The following ARHGAP32 variants were observed in gnomAD, a reference collection of about 807,000 sequenced individuals.
ARHGAP32 encodes the protein Rho GTPase activating protein 32.
In ARHGAP32, 51 loss-of-function variants were observed where a neutral mutation model predicts 186.5. The ratio of observed to expected loss-of-function variants is 0.27; its 90% CI spans 0.22 to 0.35. ARHGAP32 has a LOEUF of 0.35. Ranked by LOEUF, ARHGAP32 falls within the 10% of genes least tolerant of loss-of-function variation. The pLI is 1.00. For synonymous variants in ARHGAP32, 950 were observed against 964.3 expected, an observed-to-expected ratio of 0.99 and a Z score of 0.27; for missense variants, 2,186 against 2,623.5, an observed-to-expected ratio of 0.83 and a Z score of 3.64.
intron 1 of ARHGAP32, among the ~76,000 whole-genome samples, chr11:129,211,578 T>C (rs888262574): frequency 6.6e-6 from 1 of 152,116 alleles, no homozygotes; most frequent in Non-Finnish European, 1.5e-5. Flanking sequence ...AGAAGAGAAA[T>C]GCATAAACAT....
intron 2 of ARHGAP32, among the ~76,000 whole-genome samples, chr11:129,126,844 T>TA (rs1433847429): frequency 3.3e-5 from 5 of 151,884 alleles, no homozygotes; most frequent in African/African-American, 7.2e-5. Flanking sequence ...GTTTTGCCAT[T>TA]AAAAAAAAGT....
intron 12 of ARHGAP32, among the ~76,000 whole-genome samples, chr11:128,997,494 A>G (rs1946231947): frequency 6.6e-6 from 1 of 152,158 alleles, no homozygotes; most frequent in Admixed American, 6.5e-5. Context: ...ACTAATTTGG[A>G]ATTTCATAAT....
chr11:129,107,065 G>A (rs1565425481), intron 5 of ARHGAP32, among the ~76,000 whole-genome samples: 2 of 152,060 alleles, frequency 1.3e-5, no homozygotes, highest in South Asian at 4.2e-4. Flanking sequence ...CAGCAAAAAA[G>A]AAGCAACTGG....
In ARHGAP32 at chr11:128,980,621, G is replaced by C; in HGVS notation, c.1908C>G (p.Ile636Met). The change falls in exon 18 of 23, where the codon ATC becomes ATG. Residue 636 changes from isoleucine (I) to methionine (M), a missense_variant. Around this residue, in one of 5 missense-constraint regions of ARHGAP32, gnomAD observed 263 missense variants for 323.5 expected, o/e 0.81. Coordinates refer to ENST00000682385, the MANE Select transcript of ARHGAP32 (RefSeq NM_001378024.1). ...GTGCAGCAGGTCCTTCTCCTACTTC[G>C]ATATATTTATTTTCCGTCACAATTG... ...NSPIVTENKY[I>M]EVGEGPAALQ... 1 of 1,613,728 alleles carries C rather than the reference G, an allele frequency of 6.2e-7. No homozygotes were observed. The highest frequency in any genetic ancestry group is 8.5e-7 in the Non-Finnish European group (1 of 1,179,830).
chr11:129,125,216 C>T (rs956756940), intron 2 of ARHGAP32, among the ~76,000 whole-genome samples: 1 of 151,826 alleles, frequency 6.6e-6, no homozygotes, highest in Admixed American at 6.6e-5. Context: ...AATAAAATAA[C>T]CTTTGTTAAA....
At chr11:129,053,174 G>T (rs1940125737) in intron 10 of ARHGAP32, among the ~76,000 whole-genome samples, 1 of 152,028 alleles carries the variant, frequency 6.6e-6, no homozygotes, top group South Asian at 2.1e-4. Context: ...ATATTCTGAT[G>T]TTATAAATTA....
intron 10 of ARHGAP32, 117 bp downstream of exon 10, chr11:129,062,163 T>C: frequency 6.3e-6 from 5 of 791,660 alleles, no homozygotes; most frequent in Non-Finnish European, 1.1e-5. Context: ...TTTTCTATCG[T>C]TGCAGACAAA....
At chr11:129,275,720 C>T (rs1396591631) in intron 1 of ARHGAP32, among the ~76,000 whole-genome samples, 1 of 152,166 alleles carries the variant, frequency 6.6e-6, no homozygotes, top group Non-Finnish European at 1.5e-5. Flanking sequence ...CGACTGTGTT[C>T]CTACAAAACT....
chr11:129,032,482 C>T (rs971389383), intron 11 of ARHGAP32, among the ~76,000 whole-genome samples: 3 of 152,166 alleles, frequency 2.0e-5, no homozygotes, highest in Non-Finnish European at 4.4e-5. Context: ...TTTGCAGTTA[C>T]GTACATAGCC....
intron 11 of ARHGAP32, among the ~76,000 whole-genome samples, chr11:129,000,760 C>G (rs1194952402): frequency 6.6e-6 from 1 of 151,104 alleles, no homozygotes; most frequent in South Asian, 2.1e-4. Context: ...CTATTCCCCA[C>G]CCCCCCACCA....
chr11:129,267,511 T>C (rs565056634), intron 1 of ARHGAP32, among the ~76,000 whole-genome samples: 3 of 150,610 alleles, frequency 2.0e-5, no homozygotes, highest in South Asian at 2.1e-4. Flanking sequence ...TGTATAGACA[T>C]ATGTTTCGAG....
At chr11:129,263,061 G>C (rs575101744) in intron 1 of ARHGAP32, among the ~76,000 whole-genome samples, 50 of 152,090 alleles carry the variant, frequency 3.3e-4, no homozygotes, top group Non-Finnish European at 4.0e-4. Context: ...AATGAAATTA[G>C]AGTCTTACCT....
Position 128,968,768 on chromosome 11 carries a change from ATTTG to A in ARHGAP32, c.*135_*138del, listed in dbSNP as rs1945274497. 7 of 662,376 alleles carry A rather than the reference ATTTG, an allele frequency of 1.1e-5. No homozygotes were observed. The highest frequency in any genetic ancestry group is 3.9e-5 in the Admixed American group (1 of 25,840). The allele number at this position is 662,376 out of a possible 1,614,324, so 41.0% of individuals were successfully genotyped here. ...AGCAGGGAAGGGGAAAAAGATGCTG[ATTTG>A]TTTACTTTTATTATCATTTTTTAAA... On this transcript the variant is annotated 3_prime_UTR_variant, in exon 23 of 23. Coordinates refer to ENST00000682385, the MANE Select transcript of ARHGAP32 (RefSeq NM_001378024.1).
chr11:129,241,878 G>A (rs1169158829), intron 1 of ARHGAP32, among the ~76,000 whole-genome samples: 2 of 152,142 alleles, frequency 1.3e-5, no homozygotes, highest in Non-Finnish European at 2.9e-5. Flanking sequence ...TTTAGACTGT[G>A]TAAATATAAT....
Position 128,986,067 on chromosome 11 carries a change from T to A in ARHGAP32, c.1462A>T (p.Thr488Ser). Reference sequence around the variant, plus strand: ...ATTTTTATCAGCCTTTCTTCATCTGTTGCTGCTGAAACTGCATCCTAGAAG... The same window carrying A: ...ATTTTTATCAGCCTTTCTTCATCTGATGCTGCTGAAACTGCATCCTAGAAG... The part of the protein sequence containing the change: ...EKFSDAVSAA[T>S]DEERLIKIHD... The change falls in exon 15 of 23, where the codon ACA (threonine) becomes TCA (serine). Residue 488 changes from threonine (T) to serine (S), a missense_variant. Thr to Ser is a moderately conservative substitution (Grantham distance 58, BLOSUM62 1). Transcript: ENST00000682385. 6.2e-7 allele frequency: 1 copy of A among 1,607,090 alleles called. No individual in the cohort carries two copies. The highest frequency in any genetic ancestry group is 8.5e-7 in the Non-Finnish European group (1 of 1,177,900).
Position 128,970,796 on chromosome 11 carries a change from G to C in ARHGAP32, c.4417C>G (p.Leu1473Val). 1 of 1,614,232 alleles carries C rather than the reference G, an allele frequency of 6.2e-7. No homozygotes were observed. Among genetic ancestry groups the C allele is most frequent in the East Asian group, 2.2e-5 (1 of 44,892 alleles). The stretch of plus-strand genomic sequence containing the variant: ...GCATGCTTAGGTTGTGGGACAGGAA[G>C]TGGTAAAGGCAATGCATCGTCCACA... Reference protein sequence around the residue: ...TSVDDALPLPLPVPQPKHASQ... With the variant: ...TSVDDALPLPVPVPQPKHASQ... The change falls in exon 23 of 23, where the codon CTT (leucine) becomes GTT (valine). Residue 1473 changes from leucine to valine, a missense_variant. Coordinates refer to ENST00000682385, the MANE Select transcript of ARHGAP32 (RefSeq NM_001378024.1). The surrounding 1 kb of genome is among the most constrained non-coding windows in gnomAD (Gnocchi z 5.8).
At chr11:129,009,834 T>G (rs1937984130) in intron 11 of ARHGAP32, among the ~76,000 whole-genome samples, 1 of 151,950 alleles carries the variant, frequency 6.6e-6, no homozygotes, top group Non-Finnish European at 1.5e-5. Flanking sequence ...TGATTTACAT[T>G]TGTTTGGGAT....
At position 128,973,456 on chromosome 11, in the gene ARHGAP32, A is replaced by G. The variant is rs756908725; in HGVS notation, c.3074-24T>C. The G allele has an allele frequency of 3.1e-6, 5 of 1,608,392 alleles. No individual in the cohort carries two copies. The East Asian group carries it at 8.9e-5, about 29-fold the overall frequency. ...TCCTAGTGGGAAATTGGGAAAAAAAATGAGAGTGAAAAGGTAGCTTACGTT... is the reference window on the plus strand; with the variant it reads ...TCCTAGTGGGAAATTGGGAAAAAAAGTGAGAGTGAAAAGGTAGCTTACGTT... On this transcript the variant is annotated intron_variant, in intron 21 of 22. Coordinates refer to ENST00000682385, the MANE Select transcript of ARHGAP32 (RefSeq NM_001378024.1).
chr11:128,990,309 C>A (rs1946011355), intron 12 of ARHGAP32, among the ~76,000 whole-genome samples: 1 of 152,168 alleles, frequency 6.6e-6, no homozygotes, highest in South Asian at 2.1e-4. Flanking sequence ...TTTGTTCATA[C>A]AACTATTACC....
Sources: allele counts gnomAD v4.1 joint callset (sites outside exome capture counted in the v4.1 genomes callset), GRCh38; gene constraint gnomAD v4.1.1; regional missense constraint gnomAD v4.1.1; non-coding constraint Gnocchi (gnomAD v3.1); transcripts MANE v1.5; gene names NCBI Gene and HGNC (gene_info 2026-07-23, HGNC 2026-07-21).